The following ADCY3 variants were observed in gnomAD, a reference collection of about 807,000 sequenced individuals.
The protein encoded by ADCY3 is adenylate cyclase type 3.
In ADCY3, 70 loss-of-function variants were observed where a neutral mutation model predicts 119.4. The observed-to-expected ratio is 0.59, with a 90% CI of 0.48 to 0.72. ADCY3 has a LOEUF of 0.72. Among genes scored for constraint, ADCY3 ranks in the 30% least tolerant of loss-of-function variants. The pLI is 0.00. For missense variants in ADCY3, 1,238 were observed against 1,541.6 expected (o/e 0.80, Z 3.30); for synonymous variants, 672 against 621.4 (o/e 1.08, Z -1.21).
chr2:24,915,153 A>C (rs1664294588), intron 2 of ADCY3, among the ~76,000 whole-genome samples: 1 of 152,098 alleles, frequency 6.6e-6, no homozygotes, highest in Non-Finnish European at 1.5e-5. Flanking sequence ...CAGCAACAAA[A>C]CCACAAAACT....
chr2:24,870,321 C>CAAAA (rs34685288), intron 3 of ADCY3, among the ~76,000 whole-genome samples: 10 of 87,150 alleles, frequency 1.1e-4, no homozygotes, highest in East Asian at 3.0e-4. Context: ...GACTCCATGT[C>CAAAA]AAAAAAAAAA....
chr2:24,835,718 T>C (rs974337367), intron 9 of ADCY3, among the ~76,000 whole-genome samples: 10 of 152,010 alleles, frequency 6.6e-5, no homozygotes, highest in African/African-American at 2.4e-4. Flanking sequence ...GGTGGATCAC[T>C]TGAGGTCAGG....
At chr2:24,910,866 C>T (rs1198967639) in intron 2 of ADCY3, among the ~76,000 whole-genome samples, 1 of 152,052 alleles carries the variant, frequency 6.6e-6, no homozygotes, top group East Asian at 1.9e-4. Flanking sequence ...AGGATGGTCT[C>T]GATCTCCTGA....
At chr2:24,828,606 A>G (rs764210392) in intron 13 of ADCY3, among the ~76,000 whole-genome samples, 3 of 152,110 alleles carry the variant, frequency 2.0e-5, no homozygotes, top group Non-Finnish European at 4.4e-5. Flanking sequence ...AAATCCTTCC[A>G]TTGGGGGGAT....
In ADCY3 at chr2:24,837,005, G is replaced by C. The variant is rs769958357; in HGVS notation, c.1574C>G (p.Ser525Cys). The change falls in exon 9 of 22, where the codon TCC (serine) becomes TGC (cysteine). Residue 525 changes from serine (S) to cysteine (C), a missense_variant. Physicochemically the swap from Ser to Cys is moderately radical, Grantham distance 112. Coordinates refer to ENST00000679454, the MANE Select transcript of ADCY3 (RefSeq NM_004036.5). ...NGAPASSKSS[S>C]PALIETKEPN... ...CTCCTTGGTCTCAATGAGGGCAGGG[G>C]AGCTGGACTTTGAGGAAGCTGGTGC... 2.5e-6 allele frequency: 4 copies of C among 1,614,022 alleles called. No homozygotes were observed. Among genetic ancestry groups the C allele is most frequent in the Admixed American group, 1.7e-5 (1 of 60,006 alleles).
chr2:24,821,459 C>T, intron 20 of ADCY3, 58 bp downstream of exon 20: 2 of 1,597,586 alleles, frequency 1.3e-6, no homozygotes, highest in Non-Finnish European at 8.5e-7. Flanking sequence ...TGGTGGTGGG[C>T]CAGGCCCCTG....
chr2:24,841,501 G>A lies in ADCY3; in HGVS notation c.1068+55C>T, dbSNP rs112213756. 3,790 of 1,592,428 alleles carry A rather than the reference G, an allele frequency of 2.4e-3. 73 individuals are homozygous for A. The African/African-American group carries it at 0.042, about 18-fold the overall frequency. ...TCATGGGGCCGGGGATGGGGGCCAGGCAGAGGCCATGAGGGCAGGCCCCGC... is the reference window on the plus strand; with the variant it reads ...TCATGGGGCCGGGGATGGGGGCCAGACAGAGGCCATGAGGGCAGGCCCCGC... On this transcript the variant is annotated intron_variant, in intron 5 of 21. Coordinates refer to ENST00000679454, the MANE Select transcript of ADCY3 (RefSeq NM_004036.5). The surrounding 1 kb of genome is among the most constrained non-coding windows in gnomAD (Gnocchi z 5.8).
rs746113754 is a variant in ADCY3 at position 24,820,060 on chromosome 2, G to T, written c.3307C>A (p.Arg1103=). ...LREYGFRFVR[R]GPIFVKGKGE... The stretch of plus-strand genomic sequence containing the variant: ...TTCCCCTTCACAAAGATGGGGCCTC[G>T]CCTCACAAAGCGGAAGCCGTACTCT... The change falls in exon 22 of 22, where the codon CGA becomes AGA. Residue 1103 remains arginine, a synonymous_variant. Coordinates refer to ENST00000679454, the MANE Select transcript of ADCY3 (RefSeq NM_004036.5). 63 of 1,592,670 alleles carry T rather than the reference G, an allele frequency of 4.0e-5. No individual in the cohort carries two copies. The highest frequency in any genetic ancestry group is 7.1e-5 in the Admixed American group (4 of 56,590).
rs771636966 is a variant in ADCY3, at chr2:24,838,559, G to A, written c.1419C>T (p.Gly473=). 4.8e-5 allele frequency: 78 copies of A among 1,613,990 alleles called. 2 individuals are homozygous for A. In the Admixed American group the frequency reaches 5.5e-4, roughly 11 times the overall value. The part of the protein sequence containing the change: ...CLKGEFDVEP[G]DGGSRCDYLE... Reference sequence around the variant, plus strand: ...GGTAATCACAGCGGCTGCCCCCATCGCCTGGCTCCACATCAAACTCCCCTT... The same window carrying A: ...GGTAATCACAGCGGCTGCCCCCATCACCTGGCTCCACATCAAACTCCCCTT... Residue 473 remains glycine, a synonymous_variant, in exon 8 of 22, where the codon GGC becomes GGT. Coordinates refer to ENST00000679454, the MANE Select transcript of ADCY3 (RefSeq NM_004036.5).
intron 3 of ADCY3, among the ~76,000 whole-genome samples, chr2:24,865,887 T>G (rs1262867923): frequency 6.6e-6 from 1 of 152,094 alleles, no homozygotes; most frequent in Admixed American, 6.5e-5. Context: ...ACTTTTCCCT[T>G]GCGACCAGGG....
intron 11 of ADCY3, among the ~76,000 whole-genome samples, chr2:24,833,118 G>A (rs1000806674): frequency 1.3e-5 from 2 of 152,206 alleles, no homozygotes; most frequent in South Asian, 2.1e-4. Flanking sequence ...CACTGCTCCC[G>A]CTGTGCTCAC....
chr2:24,851,670 C>A (rs1399684757), intron 3 of ADCY3, among the ~76,000 whole-genome samples: 1 of 152,164 alleles, frequency 6.6e-6, no homozygotes, highest in Non-Finnish European at 1.5e-5. Flanking sequence ...CGGTTAAAAC[C>A]TTTCCAAAAG....
chr2:24,882,198 G>C (rs1676482035), intron 2 of ADCY3, among the ~76,000 whole-genome samples: 1 of 152,096 alleles, frequency 6.6e-6, no homozygotes, highest in African/African-American at 2.4e-5. Context: ...CACCCAGAAG[G>C]CCCACGTTTC....
rs140808446 is a variant in ADCY3 at position 24,885,906 on chromosome 2, C to A, written c.676-13187G>T. On this transcript the variant is annotated intron_variant, in intron 2 of 21. Transcript: ENST00000679454. The stretch of plus-strand genomic sequence containing the variant: ...GCTTTAGCCAAGCTGACGTCCTCAG[C>A]ATGTCACCAACTGGCCTCCTGACCT... 3.0e-4 allele frequency among the ~76,000 whole-genome samples: 45 copies of A among 152,292 alleles called. No individual in the cohort carries two copies. The East Asian group carries it at 7.9e-3, about 27-fold the overall frequency.
chr2:24,841,111 A>T lies in ADCY3; in HGVS notation c.1196+148T>A. 1.1e-6 allele frequency: 1 copy of T among 933,108 alleles called. No homozygotes were observed. Among genetic ancestry groups the T allele is most frequent in the Non-Finnish European group, 1.5e-6 (1 of 656,296 alleles). 57.8% of individuals were successfully genotyped at this position (933,108 alleles called of 1,614,324 possible). On this transcript the variant is annotated intron_variant, in intron 6 of 21. Transcript: ENST00000679454. This position sits in a 1 kb window ranked among gnomAD's most constrained non-coding sequence, Gnocchi z 5.8. ...AGCTTCTAGAGCGGGAGCCTGCGCC[A>T]CCCATCAACCAGTGCTGTGTCCCAG... is the stretch of plus-strand genomic sequence containing the variant.
At chr2:24,883,327 G>A (rs904156858) in intron 2 of ADCY3, among the ~76,000 whole-genome samples, 13 of 149,766 alleles carry the variant, frequency 8.7e-5, no homozygotes, top group Admixed American at 5.3e-4. Context: ...CAGCCTGGGC[G>A]ACACAGAGAG....
intron 3 of ADCY3, among the ~76,000 whole-genome samples, chr2:24,853,685 GTGACCTCAGGTGATCTGCCCGAGATCC>G (rs1336700304): frequency 3.9e-5 from 6 of 151,942 alleles, no homozygotes; most frequent in African/African-American, 1.2e-4. Flanking sequence ...GGCCAGCCTG[GTGACCTCAGGTGATCTGCCCGAGATCC>G]TGACCTCAGG....
intron 2 of ADCY3, among the ~76,000 whole-genome samples, chr2:24,893,019 TAA>T (rs1677866502): frequency 3.3e-5 from 5 of 151,308 alleles, no homozygotes; most frequent in Non-Finnish European, 1.5e-5. Flanking sequence ...CTTTTACTTT[TAA>T]TCTATGTGTC....
intron 3 of ADCY3, among the ~76,000 whole-genome samples, chr2:24,848,087 G>A (rs1354502219): frequency 2.0e-5 from 3 of 152,224 alleles, no homozygotes; most frequent in Non-Finnish European, 2.9e-5. Flanking sequence ...CCAAAATCTG[G>A]CCATAAACTG....
Sources: allele counts gnomAD v4.1 joint callset (sites outside exome capture counted in the v4.1 genomes callset), GRCh38; gene constraint gnomAD v4.1.1; non-coding constraint Gnocchi (gnomAD v3.1); transcripts MANE v1.5; gene names NCBI Gene and HGNC (gene_info 2026-07-23, HGNC 2026-07-21).